Variants in HMGCLL1 observed in about 807,000 individuals in gnomAD.
The protein encoded by HMGCLL1 is 3-hydroxy-3-methylglutaryl-CoA lyase like 1.
HMGCLL1 carries 36 observed loss-of-function variants against 39.1 expected under a neutral mutation model. The ratio of observed to expected loss-of-function variants is 0.92; its 90% CI spans 0.71 to 1.22. HMGCLL1 has a LOEUF of 1.22. Ranked by LOEUF, HMGCLL1 falls within the 50% of genes most tolerant of loss-of-function variation. The pLI is 0.00. For missense variants in HMGCLL1, 451 were observed against 416.5 expected (o/e 1.08, Z -0.72); for synonymous variants, 149 against 144.0 (o/e 1.03, Z -0.25).
chr6:55,572,623 TA>T (rs1395212892), intron 1 of HMGCLL1, among the ~76,000 whole-genome samples: 4 of 152,154 alleles, frequency 2.6e-5, no homozygotes, highest in Admixed American at 2.0e-4. Context: ...TTCAAATTGG[TA>T]ATCTGAATAG....
chr6:55,528,976 C>G (rs1768482755), intron 3 of HMGCLL1, among the ~76,000 whole-genome samples: 1 of 151,960 alleles, frequency 6.6e-6, no homozygotes, highest in Admixed American at 6.6e-5. Flanking sequence ...CCAGGCTACC[C>G]AAATGGATCT....
At chr6:55,448,717 A>G (rs1763961112) in intron 7 of HMGCLL1, among the ~76,000 whole-genome samples, 1 of 152,112 alleles carries the variant, frequency 6.6e-6, no homozygotes, top group South Asian at 2.1e-4. Flanking sequence ...ACAGCCATCC[A>G]CATTCTCTAA....
At chr6:55,581,577 CAAAT>C (rs1375397871), upstream of HMGCLL1, among the ~76,000 whole-genome samples, 2 of 151,924 alleles carry the variant, frequency 1.3e-5, no homozygotes, top group African/African-American at 4.8e-5. Context: ...TCTGATTACT[CAAAT>C]AAAACATTTT....
At chr6:55,483,769 C>A (rs1053742423) in intron 7 of HMGCLL1, among the ~76,000 whole-genome samples, 31 of 152,128 alleles carry the variant, frequency 2.0e-4, no homozygotes, top group African/African-American at 7.2e-4. Context: ...TGCTAAGCTA[C>A]AATTATGTCA....
At chr6:55,639,981 G>T in the HMGCLL1 span, among the ~76,000 whole-genome samples, 1 of 152,118 alleles carries the variant, frequency 6.6e-6, no homozygotes, top group Admixed American at 6.6e-5. Flanking sequence ...GGGAGGCTGA[G>T]GCAGGAGAAT....
At chr6:55,629,984 T>A in the HMGCLL1 span, among the ~76,000 whole-genome samples, 1 of 151,802 alleles carries the variant, frequency 6.6e-6, no homozygotes, top group African/African-American at 2.4e-5. Flanking sequence ...TGGGTCAGAG[T>A]CCCCACACAG....
At chr6:55,650,134 T>TATATATATATATATATATATATATAC in the HMGCLL1 span, among the ~76,000 whole-genome samples, 1 of 53,326 alleles carries the variant, frequency 1.9e-5, no homozygotes, top group Admixed American at 2.6e-4. Flanking sequence ...TATATATATA[T>TATATATATATATATATATATATATAC]ACACACACAC....
intron 1 of HMGCLL1, among the ~76,000 whole-genome samples, chr6:55,577,549 T>A (rs148770828): frequency 6.6e-6 from 1 of 152,130 alleles, no homozygotes; most frequent in East Asian, 1.9e-4. Flanking sequence ...TGCTTCCATA[T>A]CTTAGCAGGG....
intron 3 of HMGCLL1, among the ~76,000 whole-genome samples, chr6:55,517,559 T>C (rs959107290): frequency 2.0e-5 from 3 of 152,042 alleles, no homozygotes; most frequent in African/African-American, 7.2e-5. Context: ...GTTTTCTTTA[T>C]ATAACTTGGT....
At chr6:55,638,476 C>T in the HMGCLL1 span, among the ~76,000 whole-genome samples, 1 of 151,270 alleles carries the variant, frequency 6.6e-6, no homozygotes, top group African/African-American at 2.4e-5. Context: ...GTTTAATATG[C>T]AGCTTCCAAA....
chr6:55,505,700 T>C (rs767801734), intron 5 of HMGCLL1, among the ~76,000 whole-genome samples: 5 of 151,654 alleles, frequency 3.3e-5, no homozygotes, highest in Non-Finnish European at 5.9e-5. Context: ...ATATGCAAAG[T>C]TTAGAAAAAA....
the HMGCLL1 span, among the ~76,000 whole-genome samples, chr6:55,672,470 T>C: frequency 1.3e-5 from 2 of 151,856 alleles, no homozygotes; most frequent in Non-Finnish European, 2.9e-5. Flanking sequence ...TCCTAACCTA[T>C]ACTATTTTCC....
At chr6:55,546,131 C>T (rs1485082217) in intron 1 of HMGCLL1, among the ~76,000 whole-genome samples, 1 of 152,074 alleles carries the variant, frequency 6.6e-6, no homozygotes, top group Non-Finnish European at 1.5e-5. Context: ...ATAAAACATG[C>T]AGATAAGCAA....
intron 7 of HMGCLL1, among the ~76,000 whole-genome samples, chr6:55,451,023 T>A (rs1473970765): frequency 6.6e-6 from 1 of 152,174 alleles, no homozygotes; most frequent in Non-Finnish European, 1.5e-5. Context: ...CCCTAACACT[T>A]GCTTCTTTTG....
At chr6:55,541,696 A>G in intron 3 of HMGCLL1, 33 bp downstream of exon 3, 1 of 1,061,864 alleles carries the variant, frequency 9.4e-7, no homozygotes, top group South Asian at 1.4e-5. Flanking sequence ...AAGTTGAATT[A>G]GGATCTAATT....
At chr6:55,509,486 G>C (rs9296787) in intron 5 of HMGCLL1, among the ~76,000 whole-genome samples, 102,187 of 151,578 alleles carry the variant, frequency 0.67, 34,478 homozygotes, top group Non-Finnish European at 0.7. Context: ...ACAAGGAGAA[G>C]AGGAAAGACA....
chr6:55,561,521 A>C (rs1391896707), intron 1 of HMGCLL1, among the ~76,000 whole-genome samples: 2 of 152,180 alleles, frequency 1.3e-5, no homozygotes, highest in Non-Finnish European at 2.9e-5. Context: ...ATAATTCATT[A>C]GGTTAGACTG....
At chr6:55,496,080 A>G (rs985663193) in intron 6 of HMGCLL1, among the ~76,000 whole-genome samples, 3 of 152,050 alleles carry the variant, frequency 2.0e-5, no homozygotes, top group African/African-American at 7.2e-5. Context: ...TATACAGCTG[A>G]CCCTTAAACT....
chr6:55,634,379 C>G, the HMGCLL1 span, among the ~76,000 whole-genome samples: 132 of 148,332 alleles, frequency 8.9e-4, no homozygotes, highest in African/African-American at 3.3e-3. Flanking sequence ...CACTATATGT[C>G]TTAAACCTCA....
Sources: gnomAD v4.1 joint callset for allele counts (sites outside exome capture counted in the v4.1 genomes callset) on GRCh38, gnomAD v4.1.1 for gene constraint, MANE v1.5 for transcripts, NCBI Gene and HGNC (gene_info 2026-07-23, HGNC 2026-07-21) for gene names.